The following CCND3 variants were observed in gnomAD, a reference collection of about 807,000 sequenced individuals.
CCND3 encodes cyclin D3, also known as G1/S-specific cyclin-D3.
In CCND3, 9 loss-of-function variants were observed where a neutral mutation model predicts 28.7. The ratio of observed to expected loss-of-function variants is 0.31; its 90% CI spans 0.19 to 0.55. The LOEUF is 0.55. CCND3 is among the 20% of genes least tolerant of loss of function. The probability of loss-of-function intolerance (pLI) is 0.93; values close to 1 mark genes in which losing one functional copy is unlikely to be tolerated. For missense variants in CCND3, 315 were observed against 385.8 expected (o/e 0.82, Z 1.54); for synonymous variants, 164 against 163.9 (o/e 1.00, Z 0.00).
At chr6:41,947,775 C>T (rs753960158) in intron 1 of CCND3, among the ~76,000 whole-genome samples, 3 of 152,120 alleles carry the variant, frequency 2.0e-5, no homozygotes, top group African/African-American at 7.2e-5. Flanking sequence ...TTCTACCCCC[C>T]GGTCCGAGTT....
At chr6:42,016,463 G>A (rs1168994639) in intron 1 of CCND3, among the ~76,000 whole-genome samples, 1 of 152,086 alleles carries the variant, frequency 6.6e-6, no homozygotes, top group Non-Finnish European at 1.5e-5. Flanking sequence ...TCTACAACAT[G>A]GGATAATAAT....
intron 1 of CCND3, among the ~76,000 whole-genome samples, chr6:41,996,217 T>C (rs1762803031): frequency 6.6e-6 from 1 of 151,126 alleles, no homozygotes; most frequent in African/African-American, 2.4e-5. Flanking sequence ...TGGCATGATC[T>C]CGGCTCACTG....
At chr6:42,016,599 T>TTTA (rs2127430880) in intron 1 of CCND3, among the ~76,000 whole-genome samples, 1 of 149,290 alleles carries the variant, frequency 6.7e-6, no homozygotes, top group Non-Finnish European at 1.5e-5. Flanking sequence ...ATTACTTTTT[T>TTTA]TTTTTTTTTT....
chr6:41,971,081 C>T (rs1561966924), intron 1 of CCND3, among the ~76,000 whole-genome samples: 1 of 152,014 alleles, frequency 6.6e-6, no homozygotes. Context: ...CCATGCCCAG[C>T]TAATTTTCGT....
chr6:41,939,389 C>T lies in CCND3; in HGVS notation c.414+981G>A, dbSNP rs900621431. The stretch of plus-strand genomic sequence containing the variant: ...TGGAGGAAGGTGCCAGCTCACCCAC[C>T]CTCTCCCCCAGCCTCCCTAGGAGAC... On this transcript the variant is annotated intron_variant, in intron 2 of 4. Transcript: ENST00000372991. The surrounding 1 kb of genome is among the most constrained non-coding windows in gnomAD (Gnocchi z 4.2). 2.0e-5 allele frequency among the ~76,000 whole-genome samples: 3 copies of T among 152,124 alleles called. No individual in the cohort carries two copies. Among genetic ancestry groups the T allele is most frequent in the Non-Finnish European group, 4.4e-5 (3 of 68,006 alleles).
intron 1 of CCND3, among the ~76,000 whole-genome samples, chr6:41,971,469 G>T (rs567199232): frequency 6.6e-6 from 1 of 152,104 alleles, no homozygotes; most frequent in South Asian, 2.1e-4. Flanking sequence ...CCATTTTGTG[G>T]ATAAGGAAAC....
intron 1 of CCND3, among the ~76,000 whole-genome samples, chr6:42,003,938 CA>C (rs34911832): frequency 0.36 from 30,475 of 85,148 alleles, 2,980 homozygotes; most frequent in Admixed American, 0.43. Flanking sequence ...GACCCTATCT[CA>C]AAAAAAAAAA....
chr6:41,983,032 G>A (rs9462759), intron 1 of CCND3, among the ~76,000 whole-genome samples: 5,936 of 152,140 alleles, frequency 0.039, 398 homozygotes, highest in African/African-American at 0.13. Flanking sequence ...ACCTTGGGTA[G>A]AGTGATGACT....
At chr6:42,011,543 T>C (rs1457808029) in intron 1 of CCND3, among the ~76,000 whole-genome samples, 1 of 152,120 alleles carries the variant, frequency 6.6e-6, no homozygotes, top group Non-Finnish European at 1.5e-5. Flanking sequence ...AGATGATACA[T>C]TTGACATAAT....
chr6:41,973,867 T>C (rs1762098038), intron 1 of CCND3, among the ~76,000 whole-genome samples: 1 of 152,110 alleles, frequency 6.6e-6, no homozygotes, highest in Non-Finnish European at 1.5e-5. Flanking sequence ...TTAAAAGAGA[T>C]AACACATGTA....
Position 42,000,263 on chromosome 6 carries a change from G to GTTTT in CCND3, c.-46+48237_-46+48238insAAAA, listed in dbSNP as rs1762958941. ...TTTTTTTTTTTTTTTTTTTTTTTTG[G>GTTTT]GACAGAGTCTCTGTCGCCCAGGTTG... On this transcript the variant is annotated intron_variant, in intron 1 of 4. Coordinates refer to the CCND3 transcript ENST00000372988. Among the ~76,000 whole-genome samples, 16 of 84,976 alleles carry GTTTT rather than the reference G, an allele frequency of 1.9e-4. 1 individual carries two copies. Among genetic ancestry groups the GTTTT allele is most frequent in the Non-Finnish European group, 2.1e-4 (10 of 47,224 alleles). 55.7% of individuals were successfully genotyped at this position (84,976 alleles called of 152,430 possible).
chr6:42,023,384 G>A (rs559530109), intron 1 of CCND3, among the ~76,000 whole-genome samples: 2 of 152,322 alleles, frequency 1.3e-5, no homozygotes, highest in African/African-American at 4.8e-5. Context: ...GAAGTATCGT[G>A]CTGTGGGGCA....
rs1775725811 is a variant in CCND3, at chr6:41,935,120, G to C, written c.*820C>G. The stretch of plus-strand genomic sequence containing the variant: ...CTGCATTTTCCCTGCTGGAGGATGG[G>C]GCAGAGGGACAATGGGAGAGGAGGG... On this transcript the variant is annotated 3_prime_UTR_variant, in exon 5 of 5. Transcript: ENST00000372991. The C allele has an allele frequency of 8.6e-6, 2 of 233,232 alleles. No homozygotes were observed. Among genetic ancestry groups the C allele is most frequent in the African/African-American group, 4.4e-5 (2 of 45,342 alleles). The allele number at this position is 233,232 out of a possible 1,614,324, so 14.4% of individuals were successfully genotyped here.
intron 1 of CCND3, among the ~76,000 whole-genome samples, chr6:41,965,116 C>T (rs1761852511): frequency 1.5e-5 from 2 of 130,086 alleles, no homozygotes; most frequent in Admixed American, 1.9e-4. Context: ...GTTGCCCAGG[C>T]TGGCGTGCAG....
chr6:41,940,623 G>A lies in CCND3; in HGVS notation c.199-38C>T, dbSNP rs750003483. 4 of 1,489,282 alleles carry A rather than the reference G, an allele frequency of 2.7e-6. No individual in the cohort carries two copies. In the African/African-American group the frequency reaches 4.1e-5, roughly 15 times the overall value. The allele number at this position is 1,489,282 out of a possible 1,614,324, so 92.3% of individuals were successfully genotyped here. ...GCACAGTCACTGCTGGGTCTGGAGC[G>A]TGGGGAACACAGCAGCGGGGGGGTG... On this transcript the variant is annotated intron_variant, in intron 1 of 4. Transcript: ENST00000372991.
chr6:42,027,357 G>C (rs976419113), intron 1 of CCND3, among the ~76,000 whole-genome samples: 2 of 151,698 alleles, frequency 1.3e-5, no homozygotes, highest in African/African-American at 4.9e-5. Context: ...GGAGAATGGC[G>C]TGAACGCGGG....
At chr6:41,994,693 G>A (rs1302486660) in intron 1 of CCND3, among the ~76,000 whole-genome samples, 1 of 152,110 alleles carries the variant, frequency 6.6e-6, no homozygotes, top group Non-Finnish European at 1.5e-5. Flanking sequence ...AATAGTGAGG[G>A]AAGCTGTGCA....
chr6:42,010,566 A>G (rs1436221301), intron 1 of CCND3, among the ~76,000 whole-genome samples: 1 of 152,162 alleles, frequency 6.6e-6, no homozygotes, highest in Non-Finnish European at 1.5e-5. Flanking sequence ...CACCCCATCT[A>G]GCGGGGCCCC....
At chr6:41,955,561 T>C (rs950068081) in intron 1 of CCND3, among the ~76,000 whole-genome samples, 7 of 147,938 alleles carry the variant, frequency 4.7e-5, no homozygotes, top group African/African-American at 1.8e-4. Flanking sequence ...TAGTCTTACA[T>C]AGGATAGCTA....
Sources: allele counts gnomAD v4.1 joint callset (sites outside exome capture counted in the v4.1 genomes callset), GRCh38; gene constraint gnomAD v4.1.1; non-coding constraint Gnocchi (gnomAD v3.1); transcripts MANE v1.5; gene names NCBI Gene and HGNC (gene_info 2026-07-23, HGNC 2026-07-21).